The following BCAS4 variants were observed in gnomAD, a reference collection of about 807,000 sequenced individuals.
The protein encoded by BCAS4 is breast carcinoma amplified sequence 4.
BCAS4 carries 9 observed loss-of-function variants against 15.7 expected under a neutral mutation model. The observed-to-expected ratio is 0.57, with a 90% CI of 0.34 to 1.00. BCAS4 has a LOEUF of 1.00. BCAS4 is among the 50% of genes least tolerant of loss of function. The pLI is 0.02. For missense variants in BCAS4, 225 were observed against 239.1 expected (o/e 0.94, Z 0.39); for synonymous variants, 101 against 99.5 (o/e 1.02, Z -0.09).
intron 4 of BCAS4, among the ~76,000 whole-genome samples, chr20:50,843,533 TACCTGCCTGAGGCATGTGCTGTTC>T (rs371043405): frequency 0.019 from 2,875 of 152,282 alleles, 78 homozygotes; most frequent in African/African-American, 0.06. Context: ...GGCCTCATTG[TACCTGCCTGAGGCATGTGCTGTTC>T]ACCTGCCTGA....
At chr20:50,864,221 C>G (rs537636634) in intron 4 of BCAS4, among the ~76,000 whole-genome samples, 92 of 152,308 alleles carry the variant, frequency 6.0e-4, no homozygotes, top group African/African-American at 2.2e-3. Flanking sequence ...GTAGCCCACG[C>G]CCGGGGCCTG....
At chr20:50,818,365 G>A in intron 2 of BCAS4, 83 bp downstream of exon 2, 1 of 1,406,524 alleles carries the variant, frequency 7.1e-7, no homozygotes, top group Admixed American at 2.0e-5. Flanking sequence ...AAGCCATTTT[G>A]GTGGTGAGTT....
At chr20:50,833,001 A>G (rs1268970866) in intron 3 of BCAS4, 1 of 152,320 alleles carries the variant, frequency 6.6e-6, no homozygotes, top group African/African-American at 2.4e-5. Context: ...ACACTTCTCC[A>G]GGATTTGCTT....
intron 4 of BCAS4, among the ~76,000 whole-genome samples, chr20:50,852,020 T>C (rs1978456707): frequency 1.3e-5 from 2 of 152,234 alleles, no homozygotes; most frequent in African/African-American, 4.8e-5. Context: ...TGGAGTGTTC[T>C]GGGCTGTCTT....
chr20:50,845,918 G>T (rs2088538104), intron 4 of BCAS4, among the ~76,000 whole-genome samples: 1 of 152,256 alleles, frequency 6.6e-6, no homozygotes, highest in Non-Finnish European at 1.5e-5. Flanking sequence ...CTTGGTGCTG[G>T]TGTGGACATT....
At chr20:50,811,312 C>T (rs990474536) in intron 1 of BCAS4, among the ~76,000 whole-genome samples, 25 of 152,076 alleles carry the variant, frequency 1.6e-4, no homozygotes, top group Admixed American at 9.8e-4. Context: ...CTGCAGTGAG[C>T]TATGGTCCCA....
Position 50,801,990 on chromosome 20 carries a change from G to A in BCAS4, c.90+6817G>A, listed in dbSNP as rs150111534. Reference sequence around the variant, plus strand: ...GCCACACCAGGGCCTGGGTCCCCAGGGGGGGAGTCTGAATTCTGTTCTAGG... The same window carrying A: ...GCCACACCAGGGCCTGGGTCCCCAGAGGGGGAGTCTGAATTCTGTTCTAGG... On this transcript the variant is annotated intron_variant, in intron 1 of 4. Transcript: ENST00000371608. Among the ~76,000 whole-genome samples, 1,222 of 152,064 alleles carry A rather than the reference G, an allele frequency of 8.0e-3. 16 individuals carry two copies. Among genetic ancestry groups the A allele is most frequent in the African/African-American group, 0.028 (1,173 of 41,456 alleles).
At chr20:50,816,362 C>T (rs2088137531) in intron 1 of BCAS4, among the ~76,000 whole-genome samples, 1 of 152,244 alleles carries the variant, frequency 6.6e-6, no homozygotes, top group East Asian at 1.9e-4. Flanking sequence ...TACACAAGTG[C>T]ATGAAGCAGT....
At chr20:50,832,465 C>A (rs1431510980) in intron 3 of BCAS4, among the ~76,000 whole-genome samples, 1 of 152,070 alleles carries the variant, frequency 6.6e-6, no homozygotes, top group African/African-American at 2.4e-5. Flanking sequence ...GCCATATTGT[C>A]TAGGCTGCTC....
chr20:50,838,877 C>A (rs975142419), intron 3 of BCAS4, among the ~76,000 whole-genome samples: 2 of 151,980 alleles, frequency 1.3e-5, no homozygotes, highest in African/African-American at 4.8e-5. Flanking sequence ...AACACCCACA[C>A]ACACAAGCAG....
At chr20:50,858,723 G>T (rs981646823) in intron 4 of BCAS4, among the ~76,000 whole-genome samples, 17 of 126,026 alleles carry the variant, frequency 1.3e-4, no homozygotes, top group South Asian at 2.4e-4. Flanking sequence ...TTTTTTTCTT[G>T]AATTTTTTTT....
At chr20:50,872,579 AAC>A (rs113084401) in intron 4 of BCAS4, among the ~76,000 whole-genome samples, 45,400 of 137,142 alleles carry the variant, frequency 0.33, 8,503 homozygotes, top group African/African-American at 0.6. Flanking sequence ...TCAAAAAAGG[AAC>A]AAAAAAAAAA....
intron 4 of BCAS4, among the ~76,000 whole-genome samples, chr20:50,843,665 C>G (rs1488432000): frequency 6.6e-6 from 1 of 152,240 alleles, no homozygotes; most frequent in African/African-American, 2.4e-5. Flanking sequence ...CTAGGAACTC[C>G]TCTTGCTCCT....
At chr20:50,836,296 G>A (rs2088409555) in intron 3 of BCAS4, among the ~76,000 whole-genome samples, 1 of 152,154 alleles carries the variant, frequency 6.6e-6, no homozygotes, top group Non-Finnish European at 1.5e-5. Context: ...GACATTGTAT[G>A]GGGCAGGTGG....
At chr20:50,862,357 C>T (rs541072141) in intron 4 of BCAS4, among the ~76,000 whole-genome samples, 14 of 152,282 alleles carry the variant, frequency 9.2e-5, no homozygotes, top group East Asian at 1.9e-4. Flanking sequence ...TCCGTCTCTC[C>T]CTCTTTTCCT....
At chr20:50,871,613 C>T (rs377697792) in intron 4 of BCAS4, among the ~76,000 whole-genome samples, 5 of 152,330 alleles carry the variant, frequency 3.3e-5, no homozygotes, top group African/African-American at 1.2e-4. Context: ...CAGGGTAACT[C>T]CAGCCTTCAG....
chr20:50,838,566 CG>C (rs1275160196), intron 3 of BCAS4, among the ~76,000 whole-genome samples: 1 of 151,866 alleles, frequency 6.6e-6, no homozygotes, highest in Admixed American at 6.6e-5. Context: ...AAAGTTAGAA[CG>C]GGTGTAGTGC....
chr20:50,823,932 G>C (rs1332514164), intron 2 of BCAS4, among the ~76,000 whole-genome samples: 1 of 152,108 alleles, frequency 6.6e-6, no homozygotes, highest in African/African-American at 2.4e-5. Flanking sequence ...ACTTTCCTTT[G>C]TGTCACTTAC....
At chr20:50,857,161 C>T (rs1236666474) in intron 4 of BCAS4, among the ~76,000 whole-genome samples, 4 of 152,126 alleles carry the variant, frequency 2.6e-5, no homozygotes, top group African/African-American at 4.8e-5. Flanking sequence ...GACAGAGTTT[C>T]GCTCTTGTTG....
Sources: gnomAD v4.1 joint callset for allele counts (sites outside exome capture counted in the v4.1 genomes callset) on GRCh38, gnomAD v4.1.1 for gene constraint, MANE v1.5 for transcripts, NCBI Gene and HGNC (gene_info 2026-07-23, HGNC 2026-07-21) for gene names.